The following KIF13A variants were observed in gnomAD, a reference collection of about 807,000 sequenced individuals.
KIF13A encodes the protein kinesin family member 13A.
KIF13A carries 79 observed loss-of-function variants against 212.2 expected under a neutral mutation model. The observed-to-expected ratio is 0.37, with a 90% CI of 0.31 to 0.45. The LOEUF (loss-of-function observed/expected upper bound fraction) is 0.45, where lower values mean the gene tolerates loss of function less well. KIF13A is among the 20% of genes least tolerant of loss of function. KIF13A has a pLI of 1.00. For missense variants in KIF13A, 1,901 were observed against 2,209.0 expected, an observed-to-expected ratio of 0.86 and a Z score of 2.79; for synonymous variants, 789 against 808.6, an observed-to-expected ratio of 0.98 and a Z score of 0.41.
intron 6 of KIF13A, among the ~76,000 whole-genome samples, chr6:17,854,725 G>A (rs981317018): frequency 1.3e-5 from 2 of 149,936 alleles, no homozygotes; most frequent in Non-Finnish European, 3.0e-5. Context: ...GGTAATTTTT[G>A]TATTTTTAGT....
chr6:17,850,384 C>T lies in KIF13A; in HGVS notation c.656G>A (p.Ser219Asn), dbSNP rs944453104. Residue 219 changes from serine to asparagine, a missense_variant, in exon 8 of 39, where the codon AGC (serine) becomes AAC (asparagine). Around this residue, in one of 5 missense-constraint regions of KIF13A, gnomAD observed 506 missense variants for 637.4 expected, o/e 0.79. Coordinates refer to ENST00000259711, the MANE Select transcript of KIF13A (RefSeq NM_022113.6). This position sits in a 1 kb window ranked among gnomAD's most constrained non-coding sequence, Gnocchi z 6.2. ...GATGTTGAACACAGCATGGGAGCGG[C>T]TGCTTTCTTCGTTCATGTTGGTAGC... The part of the protein sequence containing the change: ...VAATNMNEES[S>N]RSHAVFNIII... 8.7e-6 allele frequency: 14 copies of T among 1,613,918 alleles called. No individual in the cohort carries two copies. Among genetic ancestry groups the T allele is most frequent in the Admixed American group, 1.7e-5 (1 of 60,010 alleles).
intron 29 of KIF13A, 119 bp from the exon 30 acceptor site, chr6:17,781,420 T>C: frequency 1.9e-6 from 2 of 1,041,602 alleles, no homozygotes; most frequent in Admixed American, 6.3e-5. Flanking sequence ...TTTTTCTTTT[T>C]TCTTTCATTC....
intron 9 of KIF13A, among the ~76,000 whole-genome samples, chr6:17,848,205 G>A (rs1202727688): frequency 6.6e-6 from 1 of 152,146 alleles, no homozygotes; most frequent in East Asian, 1.9e-4. Flanking sequence ...GATCAATTTA[G>A]GGTAATTAGC....
rs181120986 is a variant in KIF13A at position 17,787,000 on chromosome 6, A to C, written c.3361+776T>G. On this transcript the variant is annotated intron_variant, in intron 27 of 38. Coordinates refer to ENST00000259711, the MANE Select transcript of KIF13A (RefSeq NM_022113.6). The surrounding 1 kb of genome is among the most constrained non-coding windows in gnomAD (Gnocchi z 5.4). ...AAGTGGCCACTGCTAGCATAAGCAA[A>C]CTGCACCCTTGGAGCTGAGTGGCAG... Among the ~76,000 whole-genome samples, 82 of 152,292 alleles carry C rather than the reference A, an allele frequency of 5.4e-4. No individual in the cohort carries two copies. The highest frequency in any genetic ancestry group is 3.4e-3 in the Middle Eastern group (1 of 294).
At chr6:17,981,403 T>G (rs1441775241) in intron 2 of KIF13A, among the ~76,000 whole-genome samples, 2 of 151,764 alleles carry the variant, frequency 1.3e-5, no homozygotes, top group East Asian at 1.9e-4. Context: ...TTATAATTAC[T>G]TTTAGTTTTG....
At chr6:17,972,833 G>GAAAAAAAAAAAAGAAAAAAAAAAAA (rs1779929981) in intron 2 of KIF13A, among the ~76,000 whole-genome samples, 1 of 113,332 alleles carries the variant, frequency 8.8e-6, no homozygotes. Flanking sequence ...GAGAGAGTGA[G>GAAAAAAAAAAAAGAAAAAAAAAAAA]AAAAAAAAAA....
intron 2 of KIF13A, chr6:17,953,756 T>A: frequency 5.2e-6 from 1 of 193,364 alleles, no homozygotes; most frequent in Non-Finnish European, 1.1e-5. Flanking sequence ...TTGCGCTGAA[T>A]ACCAAATCAA....
chr6:17,889,810 A>G (rs2150467319), intron 3 of KIF13A, among the ~76,000 whole-genome samples: 1 of 152,256 alleles, frequency 6.6e-6, no homozygotes, highest in Non-Finnish European at 1.5e-5. Context: ...CCAATTAAGC[A>G]TCAGTCTCCT....
chr6:17,933,274 G>C (rs1335872397), intron 2 of KIF13A, among the ~76,000 whole-genome samples: 1 of 152,120 alleles, frequency 6.6e-6, no homozygotes, highest in Non-Finnish European at 1.5e-5. Context: ...AACCAAGAAA[G>C]AGTGCATACC....
chr6:17,983,414 C>T (rs982701615), intron 2 of KIF13A, among the ~76,000 whole-genome samples: 2 of 151,458 alleles, frequency 1.3e-5, no homozygotes, highest in Non-Finnish European at 1.5e-5. Context: ...GTTAGGGATT[C>T]TCATTCCATT....
rs1028126859 is a variant in KIF13A, at chr6:17,843,615, G to A, written c.830+5762C>T. On this transcript the variant is annotated intron_variant, in intron 9 of 38. Coordinates refer to ENST00000259711, the MANE Select transcript of KIF13A (RefSeq NM_022113.6). The surrounding 1 kb of genome is among the most constrained non-coding windows in gnomAD (Gnocchi z 5.3). ...GAAGATGACATGAACACACATTAAA[G>A]TTAGTAGAGCTGTGTGCATTTCTGA... Among the ~76,000 whole-genome samples the A allele has an allele frequency of 2.0e-5, 3 of 152,212 alleles. No homozygotes were observed. Among genetic ancestry groups the A allele is most frequent in the African/African-American group, 7.2e-5 (3 of 41,448 alleles).
At chr6:17,878,996 A>G (rs1269618517) in intron 3 of KIF13A, among the ~76,000 whole-genome samples, 2 of 152,190 alleles carry the variant, frequency 1.3e-5, no homozygotes, top group Non-Finnish European at 2.9e-5. Flanking sequence ...CTTGGAGTAT[A>G]GGTTGTTATT....
At chr6:17,877,373 T>C (rs1173821311) in intron 3 of KIF13A, among the ~76,000 whole-genome samples, 2 of 152,160 alleles carry the variant, frequency 1.3e-5, no homozygotes, top group African/African-American at 4.8e-5. Context: ...GCCAAGAGAA[T>C]GTGGAATATT....
Position 17,872,399 on chromosome 6 carries a change from G to A in KIF13A, c.220+978C>T, listed in dbSNP as rs1770098033. Among the ~76,000 whole-genome samples the A allele has an allele frequency of 6.6e-6, 1 of 152,112 alleles. No individual in the cohort carries two copies. The highest frequency in any genetic ancestry group is 2.4e-5 in the African/African-American group (1 of 41,422). On this transcript the variant is annotated intron_variant, in intron 4 of 38. Transcript: ENST00000259711. The surrounding 1 kb of genome is among the most constrained non-coding windows in gnomAD (Gnocchi z 4.7). ...AGAAATAAGGAGAAAACACTCAGTA[G>A]GAAGAAATAGTTCACGAGCTCTATT...
Position 17,826,113 on chromosome 6 carries a change from T to C in KIF13A, c.1544A>G (p.Asn515Ser). 1 of 1,613,884 alleles carries C rather than the reference T, an allele frequency of 6.2e-7. No homozygotes were observed. Among genetic ancestry groups the C allele is most frequent in the South Asian group, 1.1e-5 (1 of 91,082 alleles). The change falls in exon 15 of 39, where the codon AAC becomes AGC. Residue 515 changes from asparagine to serine, a missense_variant. Physicochemically the swap from Asn to Ser is conservative, Grantham distance 46 (BLOSUM62 1). Transcript: ENST00000259711. This position sits in a 1 kb window ranked among gnomAD's most constrained non-coding sequence, Gnocchi z 4.7. ...TPKENARSCV[N>S]GTLVCSTTQL... is the part of the protein sequence containing the mutation. ...GGTGGTACTGCACACAAGGGTGCCG[T>C]TCACACAGGACCTGGGAGAACACGA...
At chr6:17,865,440 G>A (rs1159383977) in intron 4 of KIF13A, among the ~76,000 whole-genome samples, 1 of 152,178 alleles carries the variant, frequency 6.6e-6, no homozygotes, top group African/African-American at 2.4e-5. Context: ...CAGCGATTTT[G>A]ATGAGTCTGG....
At position 17,764,945 on chromosome 6, in the gene KIF13A, T is replaced by C. The variant is rs747459627; in HGVS notation, c.4583A>G (p.Asp1528Gly). The change falls in exon 39 of 39, where the codon GAC becomes GGC. Residue 1528 changes from aspartate to glycine, a missense_variant and splice_region_variant. By Grantham distance (94) the Asp-to-Gly change is moderately conservative (BLOSUM62 -1). Around this residue, in one of 5 missense-constraint regions of KIF13A, gnomAD observed 687 missense variants for 759.1 expected, o/e 0.90. Transcript: ENST00000259711. This position sits in a 1 kb window ranked among gnomAD's most constrained non-coding sequence, Gnocchi z 5.1. ...CAGCTCATTTTCTTCCTCCTCAGAG[T>C]CCTATAGAAGTGAAGCAAAAGTCAG... ...EHNSKREKKI[D>G]SEEEENELEA... 6.2e-7 allele frequency: 1 copy of C among 1,601,468 alleles called. No individual in the cohort carries two copies.
At position 17,911,451 on chromosome 6, in the gene KIF13A, T is replaced by C. The variant is rs942461506; in HGVS notation, c.147-13271A>G. Among the ~76,000 whole-genome samples the C allele has an allele frequency of 2.6e-5, 4 of 152,320 alleles. No homozygotes were observed. The East Asian group carries it at 5.8e-4, about 22-fold the overall frequency. ...CCACTATGACAAGAGTAACTATAAA[T>C]ACACTTCTAATAAAAACTTTGTTGG... On this transcript the variant is annotated intron_variant, in intron 2 of 38. Coordinates refer to ENST00000259711, the MANE Select transcript of KIF13A (RefSeq NM_022113.6).
Position 17,968,555 on chromosome 6 carries a change from T to G in KIF13A, c.146+18499A>C, listed in dbSNP as rs959162539. 2.0e-5 allele frequency among the ~76,000 whole-genome samples: 3 copies of G among 152,124 alleles called. No individual in the cohort carries two copies. The highest frequency in any genetic ancestry group is 7.2e-5 in the African/African-American group (3 of 41,432). ...CAACTTTGCCTAGGATAGAATTCTC[T>G]TCCACTAGTTACCTGCATAGAATCT... On this transcript the variant is annotated intron_variant, in intron 2 of 38. Coordinates refer to ENST00000259711, the MANE Select transcript of KIF13A (RefSeq NM_022113.6). This position sits in a 1 kb window ranked among gnomAD's most constrained non-coding sequence, Gnocchi z 4.7.
Sources: allele counts gnomAD v4.1 joint callset (sites outside exome capture counted in the v4.1 genomes callset), GRCh38; gene constraint gnomAD v4.1.1; regional missense constraint gnomAD v4.1.1; non-coding constraint Gnocchi (gnomAD v3.1); transcripts MANE v1.5; gene names NCBI Gene and HGNC (gene_info 2026-07-23, HGNC 2026-07-21).